Variants in URB1 observed in about 807,000 individuals in gnomAD.
URB1 encodes nucleolar pre-ribosomal-associated protein 1.
URB1 carries 197 observed loss-of-function variants against 242.3 expected under a neutral mutation model. That is an observed-to-expected ratio of 0.81 (90% CI 0.72 to 0.91). The LOEUF is 0.91. Ranked by LOEUF, URB1 falls within the 40% of genes least tolerant of loss-of-function variation. URB1 has a pLI of 0.00. For missense variants in URB1, 2,721 were observed against 2,860.5 expected (o/e 0.95, Z 1.11); for synonymous variants, 1,153 against 1,201.8 (o/e 0.96, Z 0.84).
At chr21:32,361,858 A>T (rs1439431058) in intron 12 of URB1, 34 bp downstream of exon 12, 5 of 1,546,664 alleles carry the variant, frequency 3.2e-6, no homozygotes, top group Non-Finnish European at 2.6e-6. Context: ...CCCATGCAAA[A>T]GGCAGAGGGT....
rs139740962 is a variant in URB1, at chr21:32,352,722, G to A, written c.2601C>T (p.Ala867=). 1,271 of 1,551,352 alleles carry A rather than the reference G, an allele frequency of 8.2e-4. 14 individuals are homozygous for A. The East Asian group carries it at 0.025, about 31-fold the overall frequency. The change falls in exon 19 of 39, where the codon GCC becomes GCT. Residue 867 remains alanine (A), a synonymous_variant. Transcript: ENST00000382751. ...RYYSLWIPEQ[A]REAWLLQAQG... is the part of the protein sequence containing the mutation. ...GGCTGCAGCTCACCCAGGCCTCTCGGGCTTGCTCCGGGATCCAGAGGCTGT... is the reference window on the plus strand; with the variant it reads ...GGCTGCAGCTCACCCAGGCCTCTCGAGCTTGCTCCGGGATCCAGAGGCTGT...
chr21:32,321,570 G>A (rs542878448), intron 34 of URB1, among the ~76,000 whole-genome samples: 1 of 152,298 alleles, frequency 6.6e-6, no homozygotes, highest in African/African-American at 2.4e-5. Flanking sequence ...GTATTTAGAG[G>A]ACAAATGACA....
chr21:32,320,475 G>T, intron 35 of URB1, 56 bp downstream of exon 35: 1 of 1,311,794 alleles, frequency 7.6e-7, no homozygotes, highest in Non-Finnish European at 1.1e-6. Context: ...AGACGTCATC[G>T]TTTCTGTTCC....
chr21:32,386,152 A>G (rs79241477), intron 1 of URB1, among the ~76,000 whole-genome samples: 8 of 105,138 alleles, frequency 7.6e-5, no homozygotes, highest in Admixed American at 3.5e-4. Flanking sequence ...CTGTCTCAGG[A>G]AAAAAAAAAA....
chr21:32,369,298 G>A (rs1327040218), intron 8 of URB1, among the ~76,000 whole-genome samples: 1 of 152,176 alleles, frequency 6.6e-6, no homozygotes, highest in Non-Finnish European at 1.5e-5. Flanking sequence ...GAGAGGTGGA[G>A]GTTGCAGTGA....
intron 1 of URB1, 101 bp from the exon 2 acceptor site, chr21:32,385,785 G>C (rs1046112133): frequency 2.1e-6 from 3 of 1,418,392 alleles, no homozygotes; most frequent in Non-Finnish European, 2.9e-6. Context: ...GACCTTCCCC[G>C]ATCCACCTAC....
At position 32,314,834 on chromosome 21, in the gene URB1, A is replaced by G; in HGVS notation, c.*84T>C. On this transcript the variant is annotated 3_prime_UTR_variant, in exon 39 of 39. Transcript: ENST00000382751. ...GTTGTTTCCCATGCCTTCTCTGGAA[A>G]CCCTTGACTCAACCAAACTTCTAGA... 6.7e-7 allele frequency: 1 copy of G among 1,501,860 alleles called. No individual in the cohort carries two copies. Among genetic ancestry groups the G allele is most frequent in the Admixed American group, 2.2e-5 (1 of 45,538 alleles). The allele number at this position is 1,501,860 out of a possible 1,614,324, so 93.0% of individuals were successfully genotyped here.
chr21:32,335,824 G>A (rs1601129358), intron 28 of URB1, among the ~76,000 whole-genome samples: 1 of 152,194 alleles, frequency 6.6e-6, no homozygotes, highest in Admixed American at 6.5e-5. Context: ...TTTTGTTTGC[G>A]GAAATGCTCT....
At position 32,350,840 on chromosome 21, in the gene URB1, T is replaced by C. The variant is rs2033148840; in HGVS notation, c.2696A>G (p.Glu899Gly). The change falls in exon 20 of 39, where the codon GAG becomes GGG. Residue 899 changes from glutamate to glycine, a missense_variant. Glu to Gly is a moderately conservative substitution (Grantham distance 98). Transcript: ENST00000382751. Reference sequence around the variant, plus strand: ...GTGCTCGTCCCGAAGCGCTTGGCTCTCGTAGGCTGCCTGCAGCAGGGCTGT... The same window carrying C: ...GTGCTCGTCCCGAAGCGCTTGGCTCCCGTAGGCTGCCTGCAGCAGGGCTGT... ...SFTALLQAAY[E>G]SQALRDEHIQ... The C allele has an allele frequency of 1.0e-5, 16 of 1,551,044 alleles. No individual in the cohort carries two copies. The highest frequency in any genetic ancestry group is 1.4e-5 in the African/African-American group (1 of 73,026).
chr21:32,370,589 T>C (rs1007110950), intron 8 of URB1, among the ~76,000 whole-genome samples: 2 of 152,290 alleles, frequency 1.3e-5, no homozygotes, highest in African/African-American at 2.4e-5. Context: ...TTATTCCCAC[T>C]TTATAGACAA....
At chr21:32,386,853 A>G (rs2033588762) in intron 1 of URB1, among the ~76,000 whole-genome samples, 1 of 152,160 alleles carries the variant, frequency 6.6e-6, no homozygotes, top group East Asian at 1.9e-4. Context: ...ACAGCTTAGG[A>G]GAGGTAGAGC....
intron 31 of URB1, among the ~76,000 whole-genome samples, chr21:32,324,817 A>G (rs985860859): frequency 2.0e-5 from 3 of 152,194 alleles, no homozygotes; most frequent in Admixed American, 6.5e-5. Flanking sequence ...CAGGTGCACA[A>G]CAGCAGAGAG....
chr21:32,350,101 C>T (rs1283885625), intron 20 of URB1, among the ~76,000 whole-genome samples: 1 of 120,918 alleles, frequency 8.3e-6, no homozygotes, highest in East Asian at 2.8e-4. Context: ...CCATCCTGGG[C>T]AACAAGAGCG....
At chr21:32,335,654 T>C (rs2032948961) in intron 28 of URB1, 1 of 152,498 alleles carries the variant, frequency 6.6e-6, no homozygotes, top group Non-Finnish European at 1.5e-5. Flanking sequence ...GAATGCTCGC[T>C]GTTCACCCCA....
At chr21:32,380,025 C>A (rs2033505990) in intron 4 of URB1, among the ~76,000 whole-genome samples, 1 of 151,864 alleles carries the variant, frequency 6.6e-6, no homozygotes, top group Admixed American at 6.6e-5. Context: ...TAATTAAGTA[C>A]CAGAACTGAG....
Position 32,356,425 on chromosome 21 carries a change from T to C in URB1, c.1990-860A>G, listed in dbSNP as rs1048518711. 1.6e-4 allele frequency among the ~76,000 whole-genome samples: 24 copies of C among 152,270 alleles called. 1 individual carries two copies. Among genetic ancestry groups the C allele is most frequent in the Admixed American group, 3.3e-4 (5 of 15,298 alleles). On this transcript the variant is annotated intron_variant, in intron 15 of 38. Transcript: ENST00000382751. ...AAAAAAGACAATATGATCCCTTCTC[T>C]CAAGGCTACTCATCGTTTATCCTCA...
chr21:32,386,385 C>T (rs186779694), intron 1 of URB1, among the ~76,000 whole-genome samples: 491 of 152,302 alleles, frequency 3.2e-3, no homozygotes, highest in Non-Finnish European at 6.0e-3. Context: ...CAAGCCAGGA[C>T]GTGCCCTTAC....
At chr21:32,367,274 C>T (rs2033356680) in intron 9 of URB1, among the ~76,000 whole-genome samples, 1 of 152,176 alleles carries the variant, frequency 6.6e-6, no homozygotes, top group Non-Finnish European at 1.5e-5. Flanking sequence ...AAGGACTCAA[C>T]ACTGGGCCTG....
At chr21:32,367,101 T>C (rs1314966795) in intron 9 of URB1, among the ~76,000 whole-genome samples, 1 of 152,202 alleles carries the variant, frequency 6.6e-6, no homozygotes, top group Non-Finnish European at 1.5e-5. Context: ...ACAAATGATG[T>C]CAGGAAGGGA....
Sources: gnomAD v4.1 joint callset for allele counts (sites outside exome capture counted in the v4.1 genomes callset) on GRCh38, gnomAD v4.1.1 for gene constraint, MANE v1.5 for transcripts, NCBI Gene and HGNC (gene_info 2026-07-23, HGNC 2026-07-21) for gene names.